Variants in CSDC2 observed in about 807,000 individuals in gnomAD.
CSDC2 encodes cold shock domain-containing protein C2.
Under a neutral mutation model 15.8 loss-of-function variants are expected in CSDC2, and 8 were observed. The ratio of observed to expected loss-of-function variants is 0.51; its 90% confidence interval spans 0.30 to 0.92. CSDC2 has a LOEUF of 0.92. Ranked by LOEUF, CSDC2 falls within the 40% of genes least tolerant of loss-of-function variation. The probability of loss-of-function intolerance (pLI) is 0.07; values close to 1 mark genes in which losing one functional copy is unlikely to be tolerated. For missense variants in CSDC2, 195 were observed against 213.3 expected, an observed-to-expected ratio of 0.91 and a Z score of 0.53; for synonymous variants, 96 against 92.3, an observed-to-expected ratio of 1.04 and a Z score of -0.23.
At chr22:41,574,636 G>C in intron 3 of CSDC2, 97 bp from the exon 4 acceptor site, 1 of 1,442,004 alleles carries the variant, frequency 6.9e-7, no homozygotes, top group Non-Finnish European at 9.4e-7. Flanking sequence ...CCTGGCCTAG[G>C]GAGGCTTAGG....
At position 41,572,126 on chromosome 22, in the gene CSDC2, C is replaced by G. The variant is rs1601997611; in HGVS notation, c.161C>G (p.Thr54Ser). Residue 54 changes from threonine (T) to serine (S), a missense_variant, in exon 2 of 4, where the codon ACC (threonine) becomes AGC (serine). By Grantham distance (58) the Thr-to-Ser change is moderately conservative. Transcript: ENST00000306149. Reference protein sequence around the residue: ...DLPSPLPTKRTRTYSATARAS... With the variant: ...DLPSPLPTKRSRTYSATARAS... Reference sequence around the variant, plus strand: ...CCCAGCCCTCTGCCCACCAAGCGGACCAGGACCTATTCAGCGTGAGTACCT... The same window carrying G: ...CCCAGCCCTCTGCCCACCAAGCGGAGCAGGACCTATTCAGCGTGAGTACCT... The G allele has an allele frequency of 7.5e-7, 1 of 1,334,660 alleles. No individual in the cohort carries two copies. 82.7% of individuals were successfully genotyped at this position (1,334,660 alleles called of 1,614,324 possible). A position where few individuals can be genotyped will look rare whatever the true frequency, so the allele number is the denominator to read the frequency against.
At chr22:41,574,581 A>G in intron 3 of CSDC2, 152 bp from the exon 4 acceptor site, 1 of 859,542 alleles carries the variant, frequency 1.2e-6, no homozygotes, top group Non-Finnish European at 1.8e-6. Flanking sequence ...CCCGTTTTAC[A>G]GATTCGAGAG....
chr22:41,572,589 A>G (rs1298187907), intron 2 of CSDC2, among the ~76,000 whole-genome samples: 2 of 152,056 alleles, frequency 1.3e-5, no homozygotes, highest in Non-Finnish European at 2.9e-5. Flanking sequence ...GCTGCTTACA[A>G]TCCAGAGGGA....
chr22:41,567,948 C>A (rs1001727995), intron 1 of CSDC2, among the ~76,000 whole-genome samples: 1 of 152,118 alleles, frequency 6.6e-6, no homozygotes, highest in Admixed American at 6.5e-5. Context: ...TGGCCCAGCT[C>A]GGCTGGGTCT....
In CSDC2 at chr22:41,573,695, T is replaced by C; in HGVS notation, c.217T>C (p.Cys73Arg). The C allele has an allele frequency of 1.2e-6, 2 of 1,613,834 alleles. No individual in the cohort carries two copies. Among genetic ancestry groups the C allele is most frequent in the Non-Finnish European group, 1.7e-6 (2 of 1,179,888 alleles). Residue 73 changes from cysteine to arginine, a missense_variant, in exon 3 of 4, where the codon TGT becomes CGT. By Grantham distance (180) the Cys-to-Arg change is radical. Coordinates refer to ENST00000306149, the MANE Select transcript of CSDC2 (RefSeq NM_014460.4). ...ASAGPVFKGV[C>R]KQFSRSQGHG... The stretch of plus-strand genomic sequence containing the variant: ...AGCTGGCCCCGTGTTCAAGGGCGTC[T>C]GTAAGCAGTTCTCACGCTCACAGGG...
At chr22:41,564,846 G>A (rs979529694) in intron 1 of CSDC2, among the ~76,000 whole-genome samples, 1 of 152,114 alleles carries the variant, frequency 6.6e-6, no homozygotes, top group African/African-American at 2.4e-5. Context: ...TCCCTAATCC[G>A]CTCAGACTGA....
At position 41,576,039 on chromosome 22, in the gene CSDC2, C is replaced by G. The variant is rs928352612; in HGVS notation, c.*1144C>G. On this transcript the variant is annotated 3_prime_UTR_variant, in exon 4 of 4. Coordinates refer to ENST00000306149, the MANE Select transcript of CSDC2 (RefSeq NM_014460.4). ...AGGAGGGCCCTGTCTGCCTCCACCT[C>G]TGGGTGCACCCCCTGCCTACCACCC... is the stretch of plus-strand genomic sequence containing the variant. The G allele has an allele frequency of 4.6e-5, 7 of 152,264 alleles. No homozygotes were observed. Among genetic ancestry groups the G allele is most frequent in the African/African-American group, 1.7e-4 (7 of 41,456 alleles). 9.4% of individuals were successfully genotyped at this position (152,264 alleles called of 1,614,324 possible). A position where few individuals can be genotyped will look rare whatever the true frequency, so the allele number is the denominator to read the frequency against.
intron 2 of CSDC2, among the ~76,000 whole-genome samples, chr22:41,573,388 GAGTCTCCCT>G (rs1191484245): frequency 6.6e-6 from 1 of 151,870 alleles, no homozygotes; most frequent in Non-Finnish European, 1.5e-5. Context: ...GTAGAGATGG[GAGTCTCCCT>G]ATGTTGTCCA....
Position 41,574,725 on chromosome 22 carries a change from C to A in CSDC2, c.300-8C>A. The A allele has an allele frequency of 1.2e-6, 2 of 1,613,170 alleles. No individual in the cohort carries two copies. The highest frequency in any genetic ancestry group is 1.7e-6 in the Non-Finnish European group (2 of 1,179,818). ...TGCTGGGCTAATACCCCTCTTCCTG[C>A]CCGCCAGCATCGAGGGGGAGTACGT... On this transcript the variant is annotated splice_polypyrimidine_tract_variant and splice_region_variant and intron_variant, in intron 3 of 3. Transcript: ENST00000306149.
intron 3 of CSDC2, 48 bp from the exon 4 acceptor site, chr22:41,574,685 G>A: frequency 6.3e-7 from 1 of 1,597,406 alleles, no homozygotes; most frequent in Non-Finnish European, 8.5e-7. Context: ...GGATTGTCTG[G>A]GGCACAGGGC....
intron 1 of CSDC2, among the ~76,000 whole-genome samples, chr22:41,568,288 C>A (rs906902507): frequency 6.6e-6 from 1 of 151,622 alleles, no homozygotes; most frequent in Admixed American, 6.6e-5. Context: ...CTACACCCAG[C>A]TAATTTTTTT....
rs796371852 is a variant in CSDC2 at position 41,563,522 on chromosome 22, G to A, written c.-124+2339G>A. 6.6e-5 allele frequency among the ~76,000 whole-genome samples: 10 copies of A among 152,248 alleles called. No homozygotes were observed. In the East Asian group the frequency reaches 1.2e-3, roughly 18 times the overall value. ...ATTGGGGGAGTTGTTTTTAAGCTTA[G>A]CAGAGTTGGTGAGTGACTCACCCAA... On this transcript the variant is annotated intron_variant, in intron 1 of 3. Coordinates refer to ENST00000306149, the MANE Select transcript of CSDC2 (RefSeq NM_014460.4).
At chr22:41,562,738 C>T (rs2067093792) in intron 1 of CSDC2, among the ~76,000 whole-genome samples, 1 of 152,046 alleles carries the variant, frequency 6.6e-6, no homozygotes, top group South Asian at 2.1e-4. Context: ...CAGTTCAGAC[C>T]TTTGTCCATG....
chr22:41,573,592 G>A, intron 2 of CSDC2, 63 bp from the exon 3 acceptor site: 1 of 1,559,120 alleles, frequency 6.4e-7, no homozygotes, highest in Non-Finnish European at 8.7e-7. Flanking sequence ...GCCCAGAATG[G>A]CTGTAGGGAT....
chr22:41,566,441 T>TAA (rs754976750), intron 1 of CSDC2, among the ~76,000 whole-genome samples: 1 of 45,824 alleles, frequency 2.2e-5, no homozygotes, highest in Non-Finnish European at 3.9e-5. Flanking sequence ...AGACTCCATC[T>TAA]AAAAAAAAAA....
chr22:41,566,630 C>CAA (rs554141972), intron 1 of CSDC2, among the ~76,000 whole-genome samples: 1 of 83,442 alleles, frequency 1.2e-5, no homozygotes, highest in Admixed American at 1.1e-4. Context: ...GACTCTGTCT[C>CAA]AAAAAAAAAA....
In CSDC2 at chr22:41,573,715, A is replaced by G. The variant is rs2145602288; in HGVS notation, c.237A>G (p.Ser79=). The part of the protein sequence containing the change: ...FKGVCKQFSR[S]QGHGFITPEN... ...GCGTCTGTAAGCAGTTCTCACGCTCACAGGGCCATGGCTTCATCACCCCCG... is the reference window on the plus strand; with the variant it reads ...GCGTCTGTAAGCAGTTCTCACGCTCGCAGGGCCATGGCTTCATCACCCCCG... The change falls in exon 3 of 4, where the codon TCA becomes TCG. Residue 79 remains serine (S), a synonymous_variant. Coordinates refer to ENST00000306149, the MANE Select transcript of CSDC2 (RefSeq NM_014460.4). 6.2e-7 allele frequency: 1 copy of G among 1,613,842 alleles called. No homozygotes were observed.
intron 2 of CSDC2, among the ~76,000 whole-genome samples, chr22:41,572,888 T>C (rs2067155143): frequency 6.6e-6 from 1 of 152,068 alleles, no homozygotes; most frequent in Non-Finnish European, 1.5e-5. Context: ...AAAGGATCTT[T>C]TGGGAAGGAC....
intron 1 of CSDC2, among the ~76,000 whole-genome samples, chr22:41,567,320 CA>C (rs1037219395): frequency 3.9e-5 from 6 of 152,192 alleles, no homozygotes; most frequent in Non-Finnish European, 7.3e-5. Flanking sequence ...TGACTTTGGG[CA>C]AGTCACTCAA....
Sources: allele counts gnomAD v4.1 joint callset (sites outside exome capture counted in the v4.1 genomes callset), GRCh38; gene constraint gnomAD v4.1.1; transcripts MANE v1.5; gene names NCBI Gene and HGNC (gene_info 2026-07-23, HGNC 2026-07-21).